MAMDC2: variants seen among roughly 807,000 people sequenced by gnomAD.
The protein encoded by MAMDC2 is MAM domain-containing protein 2.
In MAMDC2, 57 loss-of-function variants were observed where a neutral mutation model predicts 89.8. That is an observed-to-expected ratio of 0.63 (90% CI 0.51 to 0.79). The LOEUF (loss-of-function observed/expected upper bound fraction) is 0.79, where lower values mean the gene tolerates loss of function less well. Among genes scored for constraint, MAMDC2 ranks in the 30% least tolerant of loss-of-function variants. The pLI is 0.00. For missense variants in MAMDC2, 800 were observed against 820.6 expected, an observed-to-expected ratio of 0.97 and a Z score of 0.31; for synonymous variants, 313 against 293.4, an observed-to-expected ratio of 1.07 and a Z score of -0.68.
At chr9:70,074,723 G>A (rs1234261416) in intron 2 of MAMDC2, among the ~76,000 whole-genome samples, 1 of 152,218 alleles carries the variant, frequency 6.6e-6, no homozygotes, top group Non-Finnish European at 1.5e-5. Context: ...GCGCTTGAGG[G>A]AGCAACATAA....
In MAMDC2 at chr9:70,154,994, A is replaced by G. The variant is rs540058494; in HGVS notation, c.1404+11175A>G. Among the ~76,000 whole-genome samples the G allele has an allele frequency of 2.8e-4, 43 of 152,012 alleles. 1 individual carries two copies. In the South Asian group the frequency reaches 9.0e-3, roughly 32 times the overall value. On this transcript the variant is annotated intron_variant, in intron 9 of 13. Transcript: ENST00000377182. ...CCACAACACAGCTTATCCAGCCTCCATTCTGCGATCATGGTCAGTGATGTG... is the reference window on the plus strand; with the variant it reads ...CCACAACACAGCTTATCCAGCCTCCGTTCTGCGATCATGGTCAGTGATGTG...
chr9:70,082,149 G>A (rs1280231649), intron 2 of MAMDC2: 1 of 152,174 alleles, frequency 6.6e-6, no homozygotes, highest in African/African-American at 2.4e-5. Flanking sequence ...GATACAGACT[G>A]TGAAGTGTTA....
At chr9:70,076,412 C>T (rs1165354359) in intron 2 of MAMDC2, among the ~76,000 whole-genome samples, 1 of 150,088 alleles carries the variant, frequency 6.7e-6, no homozygotes, top group Non-Finnish European at 1.5e-5. Flanking sequence ...TAGCATGAGA[C>T]TCTGCCTCAA....
chr9:70,070,682 A>G lies in MAMDC2; in HGVS notation c.148+25985A>G, dbSNP rs540371991. On this transcript the variant is annotated intron_variant, in intron 2 of 13. Transcript: ENST00000377182. ...TAGTCTTGTGGCCTGCAAGTTGAGT[A>G]CTGAATTATATTCAAACTTCAGTCT... Among the ~76,000 whole-genome samples the G allele has an allele frequency of 3.9e-5, 6 of 152,326 alleles. No homozygotes were observed. In the East Asian group the frequency reaches 1.2e-3, roughly 29 times the overall value.
intron 1 of MAMDC2, 106 bp downstream of exon 1, chr9:70,044,337 G>A: frequency 3.9e-6 from 5 of 1,276,316 alleles, no homozygotes; most frequent in Non-Finnish European, 5.5e-6. Flanking sequence ...GCCATCCGAG[G>A]GCGCCTCCTG....
chr9:70,218,676 G>GAA (rs2033496271), intron 12 of MAMDC2, 80 bp downstream of exon 12: 1 of 1,462,732 alleles, frequency 6.8e-7, no homozygotes, highest in African/African-American at 1.4e-5. Flanking sequence ...TGCTACCAAA[G>GAA]AGAATATTTT....
chr9:70,073,073 G>A (rs990472248), intron 2 of MAMDC2, among the ~76,000 whole-genome samples: 2 of 152,146 alleles, frequency 1.3e-5, no homozygotes, highest in Non-Finnish European at 2.9e-5. Context: ...GACCTCAAGT[G>A]ATCCCCCACC....
At position 70,199,512 on chromosome 9, in the gene MAMDC2, C is replaced by T. The variant is rs979006088; in HGVS notation, c.1652-18825C>T. ...TGTGAATAATGCCGCAATAAACATACGTGTGCATGTGTCTTTATAGCAGCA... is the reference window on the plus strand; with the variant it reads ...TGTGAATAATGCCGCAATAAACATATGTGTGCATGTGTCTTTATAGCAGCA... On this transcript the variant is annotated intron_variant, in intron 11 of 13. Transcript: ENST00000377182. Among the ~76,000 whole-genome samples the T allele has an allele frequency of 1.4e-3, 206 of 148,178 alleles. 1 individual carries two copies. The highest frequency in any genetic ancestry group is 3.7e-3 in the African/African-American group (149 of 40,388).
chr9:70,217,748 G>A, intron 11 of MAMDC2: 1 of 1,066,330 alleles, frequency 9.4e-7, no homozygotes, highest in Non-Finnish European at 1.4e-6. Flanking sequence ...CTAAAAAAAA[G>A]TGTCACAAAA....
rs538947793 is a variant in MAMDC2, at chr9:70,045,994, G to A, written c.148+1297G>A. The stretch of plus-strand genomic sequence containing the variant: ...GATTCCTATCTTGCTGATGGCTTTA[G>A]GAAAGTCTCTGTAATCTTGCCACTC... On this transcript the variant is annotated intron_variant, in intron 2 of 13. Coordinates refer to ENST00000377182, the MANE Select transcript of MAMDC2 (RefSeq NM_153267.5). Among the ~76,000 whole-genome samples the A allele has an allele frequency of 3.9e-5, 6 of 152,304 alleles. No individual in the cohort carries two copies. In the South Asian group the frequency reaches 6.2e-4, roughly 16 times the overall value.
At chr9:70,055,616 C>T (rs960967752) in intron 2 of MAMDC2, among the ~76,000 whole-genome samples, 35 of 152,148 alleles carry the variant, frequency 2.3e-4, no homozygotes, top group Admixed American at 6.5e-4. Flanking sequence ...AGTTCTAGGC[C>T]CCACCTACAA....
At chr9:70,069,142 C>T (rs1206433410) in intron 2 of MAMDC2, among the ~76,000 whole-genome samples, 1 of 152,156 alleles carries the variant, frequency 6.6e-6, no homozygotes, top group Non-Finnish European at 1.5e-5. Context: ...GCTTATGAAT[C>T]CCCTGGACAG....
chr9:70,078,546 G>A (rs1827586738), intron 2 of MAMDC2, among the ~76,000 whole-genome samples: 2 of 152,070 alleles, frequency 1.3e-5, no homozygotes, highest in African/African-American at 4.8e-5. Context: ...AATTCTTATT[G>A]GTTTACAAAA....
intron 11 of MAMDC2, among the ~76,000 whole-genome samples, chr9:70,216,108 T>C (rs997118653): frequency 2.0e-5 from 3 of 152,236 alleles, no homozygotes; most frequent in African/African-American, 7.2e-5. Flanking sequence ...CTCTTTATTT[T>C]TCCCCTTGAT....
intron 11 of MAMDC2, among the ~76,000 whole-genome samples, chr9:70,192,189 A>G (rs775781215): frequency 2.6e-5 from 4 of 152,058 alleles, no homozygotes; most frequent in Non-Finnish European, 4.4e-5. Flanking sequence ...CTGTTTGGAA[A>G]TCTCTCTGAT....
chr9:70,106,761 TAAG>T (rs1828353112), intron 2 of MAMDC2, among the ~76,000 whole-genome samples: 1 of 152,166 alleles, frequency 6.6e-6, no homozygotes, highest in African/African-American at 2.4e-5. Context: ...GTTGCTATGT[TAAG>T]AAGATTGCCA....
At chr9:70,135,706 C>A (rs1453437759) in intron 7 of MAMDC2, among the ~76,000 whole-genome samples, 1 of 152,076 alleles carries the variant, frequency 6.6e-6, no homozygotes, top group South Asian at 2.1e-4. Flanking sequence ...CTCTCATAGT[C>A]CCTGTGCCTT....
At chr9:70,053,297 G>A (rs58660710) in intron 2 of MAMDC2, among the ~76,000 whole-genome samples, 10,986 of 152,256 alleles carry the variant, frequency 0.072, 533 homozygotes, top group East Asian at 0.21. Flanking sequence ...CTAAGAATAA[G>A]ATAATAAAAC....
intron 11 of MAMDC2, among the ~76,000 whole-genome samples, chr9:70,214,954 T>C (rs1000394209): frequency 6.6e-6 from 1 of 152,204 alleles, no homozygotes; most frequent in Non-Finnish European, 1.5e-5. Flanking sequence ...AGATGTCCAT[T>C]AGACAGTTTG....
Sources: gnomAD v4.1 joint callset for allele counts (sites outside exome capture counted in the v4.1 genomes callset) on GRCh38, gnomAD v4.1.1 for gene constraint, MANE v1.5 for transcripts, NCBI Gene and HGNC (gene_info 2026-07-23, HGNC 2026-07-21) for gene names.